Variants in GRID2 observed in about 807,000 individuals in gnomAD.
GRID2 encodes glutamate ionotropic receptor delta type subunit 2.
GRID2 carries 33 observed loss-of-function variants against 114.8 expected under a neutral mutation model. The ratio of observed to expected loss-of-function variants is 0.29; its 90% CI spans 0.22 to 0.38. The LOEUF (loss-of-function observed/expected upper bound fraction) is 0.38, where lower values mean the gene tolerates loss of function less well. Among genes scored for constraint, GRID2 ranks in the 10% least tolerant of loss-of-function variants. The pLI, the probability that GRID2 is intolerant of heterozygous loss-of-function variation, is 1.00. For missense variants in GRID2, 1,184 were observed against 1,257.7 expected (o/e 0.94, Z 0.89); for synonymous variants, 505 against 449.9 (o/e 1.12, Z -1.55).
chr4:92,341,784 G>T (rs1727503401), intron 1 of GRID2, among the ~76,000 whole-genome samples: 1 of 151,740 alleles, frequency 6.6e-6, no homozygotes, highest in South Asian at 2.1e-4. Context: ...GCGTGGTGGC[G>T]GGCGCCTGTA....
At chr4:93,515,502 TTTTG>T in intron 13 of GRID2, 91 bp downstream of exon 13, 1 of 877,588 alleles carries the variant, frequency 1.1e-6, no homozygotes, top group Non-Finnish European at 1.8e-6. Flanking sequence ...TTGTTTTGTT[TTTTG>T]TTTTTTATCT....
intron 8 of GRID2, among the ~76,000 whole-genome samples, chr4:93,363,896 T>C (rs576222137): frequency 1.3e-5 from 2 of 152,100 alleles, no homozygotes; most frequent in African/African-American, 4.8e-5. Context: ...TTCATATATG[T>C]AATTGCTTCC....
At chr4:93,743,864 T>G (rs567293558) in intron 14 of GRID2, among the ~76,000 whole-genome samples, 3 of 152,318 alleles carry the variant, frequency 2.0e-5, no homozygotes, top group Admixed American at 6.5e-5. Flanking sequence ...TCTATCACTT[T>G]CATAGCTAGA....
At chr4:93,714,746 T>A (rs917822550) in intron 14 of GRID2, among the ~76,000 whole-genome samples, 1 of 152,186 alleles carries the variant, frequency 6.6e-6, no homozygotes, top group South Asian at 2.1e-4. Context: ...AAAGTGTCTG[T>A]CATGTCCTTT....
chr4:93,558,109 G>A (rs1734496975), intron 13 of GRID2, among the ~76,000 whole-genome samples: 1 of 152,156 alleles, frequency 6.6e-6, no homozygotes, highest in African/African-American at 2.4e-5. Context: ...GAAATTTATA[G>A]CACTAAATGC....
intron 4 of GRID2, among the ~76,000 whole-genome samples, chr4:93,132,306 G>A (rs948744618): frequency 1.3e-5 from 2 of 152,172 alleles, no homozygotes; most frequent in African/African-American, 4.8e-5. Context: ...AGAGCAGAAA[G>A]AAAATGTTTG....
chr4:93,338,247 T>C (rs1759289842), intron 8 of GRID2, among the ~76,000 whole-genome samples: 1 of 152,180 alleles, frequency 6.6e-6, no homozygotes, highest in Non-Finnish European at 1.5e-5. Flanking sequence ...ATCACACAGT[T>C]TTAAATGGAA....
chr4:92,775,371 A>T (rs899737475), intron 2 of GRID2, among the ~76,000 whole-genome samples: 1 of 152,188 alleles, frequency 6.6e-6, no homozygotes, highest in Non-Finnish European at 1.5e-5. Context: ...AAACAAAATT[A>T]TCGATGACAG....
At chr4:93,227,384 C>T (rs1022648303) in intron 7 of GRID2, among the ~76,000 whole-genome samples, 7 of 151,998 alleles carry the variant, frequency 4.6e-5, no homozygotes, top group African/African-American at 1.7e-4. Context: ...CATGCCACCA[C>T]ACCTGGCTAA....
At chr4:93,522,794 A>G (rs573521914) in intron 13 of GRID2, among the ~76,000 whole-genome samples, 5 of 152,166 alleles carry the variant, frequency 3.3e-5, no homozygotes, top group Non-Finnish European at 7.4e-5. Flanking sequence ...AAGAGAATAC[A>G]GTTATTGAAA....
intron 2 of GRID2, among the ~76,000 whole-genome samples, chr4:92,887,287 C>T (rs1274327733): frequency 6.6e-6 from 1 of 152,196 alleles, no homozygotes; most frequent in Non-Finnish European, 1.5e-5. Context: ...TACCTGATTA[C>T]TGGGTTTATT....
chr4:93,178,670 G>A (rs919373543), intron 4 of GRID2, among the ~76,000 whole-genome samples: 1 of 151,870 alleles, frequency 6.6e-6, no homozygotes, highest in Non-Finnish European at 1.5e-5. Flanking sequence ...TTACACTTGT[G>A]AGCCACCACA....
At chr4:93,210,752 C>G (rs1355566768) in intron 5 of GRID2, among the ~76,000 whole-genome samples, 1 of 151,702 alleles carries the variant, frequency 6.6e-6, no homozygotes, top group Non-Finnish European at 1.5e-5. Flanking sequence ...TGATAATTAT[C>G]TTTATGGTTT....
chr4:93,240,477 A>G (rs1329928177), intron 8 of GRID2, among the ~76,000 whole-genome samples: 1 of 150,106 alleles, frequency 6.7e-6, no homozygotes, highest in African/African-American at 2.4e-5. Flanking sequence ...TTTGCTTTTT[A>G]TAATTGATTT....
intron 10 of GRID2, among the ~76,000 whole-genome samples, chr4:93,435,093 AATTATTTTATT>A (rs1246056996): frequency 6.6e-6 from 1 of 152,084 alleles, no homozygotes; most frequent in Non-Finnish European, 1.5e-5. Flanking sequence ...TAACACTTAC[AATTATTTTATT>A]ATGTACTGAC....
At chr4:93,187,435 C>A (rs879130952) in intron 4 of GRID2, among the ~76,000 whole-genome samples, 1 of 152,050 alleles carries the variant, frequency 6.6e-6, no homozygotes, top group Non-Finnish European at 1.5e-5. Flanking sequence ...GCCACCACAC[C>A]CAACTAATTT....
At chr4:93,566,673 G>T (rs1735453688) in intron 13 of GRID2, among the ~76,000 whole-genome samples, 1 of 152,052 alleles carries the variant, frequency 6.6e-6, no homozygotes, top group Non-Finnish European at 1.5e-5. Flanking sequence ...GGGAGGCTGA[G>T]GTATGAGAAT....
At chr4:93,766,575 G>T (rs1733695723) in intron 14 of GRID2, among the ~76,000 whole-genome samples, 1 of 152,204 alleles carries the variant, frequency 6.6e-6, no homozygotes, top group Non-Finnish European at 1.5e-5. Context: ...GATGCAAATA[G>T]GAGAGCAGGA....
chr4:93,476,123 A>G (rs1440355840), intron 11 of GRID2, among the ~76,000 whole-genome samples: 3 of 152,162 alleles, frequency 2.0e-5, no homozygotes, highest in Non-Finnish European at 4.4e-5. Flanking sequence ...GAATCATACT[A>G]TATTCCTTAT....
Sources: allele counts gnomAD v4.1 joint callset (sites outside exome capture counted in the v4.1 genomes callset), GRCh38; gene constraint gnomAD v4.1.1; transcripts MANE v1.5; gene names NCBI Gene and HGNC (gene_info 2026-07-23, HGNC 2026-07-21).